Variants in USP9X observed in about 807,000 individuals in gnomAD.
The protein encoded by USP9X is ubiquitin carboxyl-terminal hydrolase 9X.
A neutral mutation model predicts 190.3 loss-of-function variants in USP9X; 7 were observed. That is an observed-to-expected ratio of 0.04 (90% CI 0.02 to 0.07). The LOEUF is 0.07. USP9X is among the 10% of genes least tolerant of loss of function. USP9X has a pLI of 1.00. For synonymous variants in USP9X, 645 were observed against 659.5 expected (o/e 0.98, Z 0.34); for missense variants, 1,010 against 1,916.9 (o/e 0.53, Z 8.83).
intron 26 of USP9X, 134 bp downstream of exon 26, chrX:41,189,609 A>G: frequency 3.6e-6 from 2 of 553,063 alleles, no homozygotes; most frequent in Non-Finnish European, 5.4e-6. Context: ...AAATTTTATT[A>G]TTTAAGAGTG....
At chrX:41,200,751 G>A (rs781687660) in intron 30 of USP9X, among the ~76,000 whole-genome samples, 1 of 112,442 alleles carries the variant, frequency 8.9e-6, no homozygotes, top group Non-Finnish European at 1.9e-5. Context: ...TAAAAATAAA[G>A]ATGCAAGTAA....
At chrX:41,089,348 A>T (rs1218934872) in intron 1 of USP9X, among the ~76,000 whole-genome samples, 2 of 112,081 alleles carry the variant, frequency 1.8e-5, no homozygotes, top group African/African-American at 6.5e-5. Context: ...TTAAAAAAGC[A>T]TTTAGAGCTT....
Position 41,141,320 on chromosome X carries a change from A to C in USP9X, c.1050A>C (p.Gly350=). 3.3e-6 allele frequency: 4 copies of C among 1,205,865 alleles called. No homozygotes were observed. The highest frequency in any genetic ancestry group is 4.5e-6 in the Non-Finnish European group (4 of 893,312). Residue 350 remains glycine, a synonymous_variant, in exon 9 of 45, where the codon GGA becomes GGC. Transcript: ENST00000378308. ...LRLLQISSFN[G]KMNALNEVNK... ...TATTGCAAATTTCTTCTTTCAATGG[A>C]AAGATGAATGCACTGAATGAAGTTA... is the stretch of plus-strand genomic sequence containing the variant.
chrX:41,138,300 G>A (rs1243760700), intron 6 of USP9X, among the ~76,000 whole-genome samples: 1 of 111,473 alleles, frequency 9.0e-6, no homozygotes, highest in Non-Finnish European at 1.9e-5. Flanking sequence ...ATGATATAAT[G>A]AAAAATCTAA....
chrX:41,120,733 C>T (rs768607948), intron 1 of USP9X, among the ~76,000 whole-genome samples: 27 of 110,965 alleles, frequency 2.4e-4, no homozygotes, highest in African/African-American at 8.5e-4. Context: ...CTCCTGACCT[C>T]ATGATCCGCC....
intron 41 of USP9X, among the ~76,000 whole-genome samples, chrX:41,227,829 T>C (rs1204463230): frequency 9.0e-6 from 1 of 110,846 alleles, no homozygotes; most frequent in East Asian, 2.8e-4. Context: ...GCCTCCCGAG[T>C]AGCTGGGACT....
At chrX:41,095,707 G>C (rs2061985181) in intron 1 of USP9X, among the ~76,000 whole-genome samples, 2 of 111,801 alleles carry the variant, frequency 1.8e-5, no homozygotes, top group South Asian at 7.4e-4. Flanking sequence ...TGCCATGTTA[G>C]GACATTTGCC....
intron 32 of USP9X, among the ~76,000 whole-genome samples, chrX:41,209,217 A>C (rs1466743738): frequency 1.8e-5 from 2 of 111,983 alleles, no homozygotes; most frequent in African/African-American, 3.2e-5. Flanking sequence ...TTTATAACTT[A>C]TCTCTCTATC....
intron 1 of USP9X, among the ~76,000 whole-genome samples, chrX:41,106,375 A>G (rs923622540): frequency 2.7e-5 from 3 of 111,357 alleles, no homozygotes; most frequent in Non-Finnish European, 3.8e-5. Flanking sequence ...GTGTTACACA[A>G]TGCATTTTAA....
chrX:41,167,313 C>CT (rs1874713638), intron 16 of USP9X, 169 bp from the exon 17 acceptor site: 1 of 342,015 alleles, frequency 2.9e-6, no homozygotes, highest in Non-Finnish European at 5.2e-6. Flanking sequence ...ATTTATTACC[C>CT]TTTCTTTTGG....
At chrX:41,132,141 T>G (rs1380278329) in intron 4 of USP9X, among the ~76,000 whole-genome samples, 2 of 110,638 alleles carry the variant, frequency 1.8e-5, no homozygotes, top group Non-Finnish European at 3.8e-5. Context: ...ACTGTCTCGC[T>G]TACATATTTG....
In USP9X at chrX:41,183,887, C is replaced by A. The variant is rs192823025; in HGVS notation, c.3149-111C>A. On this transcript the variant is annotated intron_variant, in intron 21 of 44. Coordinates refer to ENST00000378308, the MANE Select transcript of USP9X (RefSeq NM_001039591.3). The stretch of plus-strand genomic sequence containing the variant: ...TGTCTTAGGAAGTTTGAGCCTATAG[C>A]CCAACTGAGTGGATTGTTATTCCAT... 128 of 945,564 alleles carry A rather than the reference C, an allele frequency of 1.4e-4. 2 individuals are homozygous for A. The Admixed American group carries it at 4.5e-3, about 33-fold the overall frequency. The allele number at this position is 945,564 out of a possible 1,213,427, so 77.9% of individuals were successfully genotyped here.
At chrX:41,124,640 C>T (rs768819618) in intron 2 of USP9X, among the ~76,000 whole-genome samples, 1 of 111,372 alleles carries the variant, frequency 9.0e-6, no homozygotes, top group South Asian at 3.8e-4. Flanking sequence ...TAGCATTGGA[C>T]CCATCATAAA....
At chrX:41,135,607 CTCTAAG>C (rs1309416382) in intron 5 of USP9X, among the ~76,000 whole-genome samples, 2 of 111,246 alleles carry the variant, frequency 1.8e-5, no homozygotes, top group South Asian at 3.8e-4. Context: ...GCCATAACTA[CTCTAAG>C]TCTCTGTTGC....
At chrX:41,217,378 A>G in intron 36 of USP9X, 35 bp downstream of exon 36, 1 of 1,166,510 alleles carries the variant, frequency 8.6e-7, no homozygotes. Flanking sequence ...CTATTATACT[A>G]ATGTTTGGTT....
chrX:41,127,381 T>C (rs1349325221), intron 2 of USP9X, among the ~76,000 whole-genome samples: 1 of 112,258 alleles, frequency 8.9e-6, no homozygotes, highest in Non-Finnish European at 1.9e-5. Flanking sequence ...ATGGACAGTT[T>C]TTATTTACTC....
At chrX:41,167,613 A>G in intron 17 of USP9X, 36 bp downstream of exon 17, 1 of 1,013,206 alleles carries the variant, frequency 9.9e-7, no homozygotes, top group Middle Eastern at 2.6e-4. Flanking sequence ...TCCATATATA[A>G]TTCTTTCGGC....
chrX:41,197,330 T>TTCCCCCCCC, intron 28 of USP9X, 34 bp from the exon 29 acceptor site: 1 of 709,800 alleles, frequency 1.4e-6, no homozygotes, highest in Non-Finnish European at 1.9e-6. Flanking sequence ...ATTTGATTTC[T>TTCCCCCCCC]TCCCCCCCCC....
chrX:41,094,521 A>G (rs1366617152), intron 1 of USP9X, among the ~76,000 whole-genome samples: 2 of 110,381 alleles, frequency 1.8e-5, no homozygotes, highest in Non-Finnish European at 3.8e-5. Flanking sequence ...GAGCCATATC[A>G]ATGTCAGCTG....
Sources: gnomAD v4.1 joint callset for allele counts (sites outside exome capture counted in the v4.1 genomes callset) on GRCh38, gnomAD v4.1.1 for gene constraint, MANE v1.5 for transcripts, NCBI Gene and HGNC (gene_info 2026-07-23, HGNC 2026-07-21) for gene names.